The following PCYT1A variants were observed in gnomAD, a reference collection of about 807,000 sequenced individuals.
PCYT1A encodes the protein choline-phosphate cytidylyltransferase A.
In PCYT1A, 25 loss-of-function variants were observed where a neutral mutation model predicts 43.7. The observed-to-expected ratio is 0.57, with a 90% confidence interval of 0.42 to 0.80. The LOEUF is 0.80. Ranked by LOEUF, PCYT1A falls within the 30% of genes least tolerant of loss-of-function variation. PCYT1A has a pLI of 0.00. For synonymous variants in PCYT1A, 172 were observed against 170.7 expected (o/e 1.01, Z -0.06); for missense variants, 421 against 474.2 (o/e 0.89, Z 1.04).
chr3:196,284,538 G>A (rs777273288), intron 1 of PCYT1A, among the ~76,000 whole-genome samples: 1 of 152,210 alleles, frequency 6.6e-6, no homozygotes, highest in Non-Finnish European at 1.5e-5. Context: ...CACAGGGCGA[G>A]TAAATGTTAA....
In PCYT1A at chr3:196,235,241, G is replaced by A. The variant is rs1241149205; in HGVS notation, c.*3447C>T. 6.6e-6 allele frequency: 1 copy of A among 152,124 alleles called. No homozygotes were observed. The highest frequency in any genetic ancestry group is 1.9e-4 in the East Asian group (1 of 5,192). The allele number at this position is 152,124 out of a possible 1,614,324, so 9.4% of individuals were successfully genotyped here. A position where few individuals can be genotyped will look rare whatever the true frequency, so the allele number is the denominator to read the frequency against. Reference sequence around the variant, plus strand: ...ACATCTAGAGATGGTCTGACCAGCTGTGCAGCCTCCAAAAAAAAATCACTA... The same window carrying A: ...ACATCTAGAGATGGTCTGACCAGCTATGCAGCCTCCAAAAAAAAATCACTA... On this transcript the variant is annotated 3_prime_UTR_variant, in exon 9 of 9. Transcript: ENST00000431016. This position sits in a 1 kb window ranked among gnomAD's most constrained non-coding sequence, Gnocchi z 4.3.
chr3:196,266,664 C>T (rs1194474419), intron 2 of PCYT1A, among the ~76,000 whole-genome samples: 2 of 151,520 alleles, frequency 1.3e-5, no homozygotes, highest in Non-Finnish European at 2.9e-5. Context: ...TTGAGGTGGG[C>T]GGATCACTTG....
At chr3:196,257,192 A>T (rs535572124) in intron 3 of PCYT1A, among the ~76,000 whole-genome samples, 1 of 152,330 alleles carries the variant, frequency 6.6e-6, no homozygotes, top group East Asian at 1.9e-4. Flanking sequence ...ACATAAGAAA[A>T]GCATCTCGAA....
chr3:196,286,775 G>A (rs1005479943), intron 1 of PCYT1A, among the ~76,000 whole-genome samples: 3 of 152,148 alleles, frequency 2.0e-5, no homozygotes, highest in African/African-American at 7.2e-5. Flanking sequence ...TTAGCCGGGC[G>A]TGGTGGCGCA....
chr3:196,265,724 G>C (rs1239466673), intron 2 of PCYT1A, among the ~76,000 whole-genome samples: 2 of 151,782 alleles, frequency 1.3e-5, no homozygotes, highest in Non-Finnish European at 2.9e-5. Flanking sequence ...GGGCAACAGA[G>C]CAAGTCCCCC....
intron 2 of PCYT1A, among the ~76,000 whole-genome samples, chr3:196,261,788 T>A (rs1725117853): frequency 8.3e-6 from 1 of 119,826 alleles, no homozygotes; most frequent in Admixed American, 9.3e-5. Context: ...AAACTCCATC[T>A]CAAAAAAAAA....
chr3:196,284,063 A>G (rs529679899), intron 1 of PCYT1A, among the ~76,000 whole-genome samples: 2 of 152,328 alleles, frequency 1.3e-5, no homozygotes, highest in African/African-American at 4.8e-5. Flanking sequence ...CTTTGATGTA[A>G]GGGAGACCTA....
Position 196,234,896 on chromosome 3 carries a change from T to A in PCYT1A, c.*3792A>T, listed in dbSNP as rs534266866. ...GAGAAAACAAGAACAATCATTGTTA[T>A]GACTTTGAAAAATAGAACCTTTAAA... On this transcript the variant is annotated 3_prime_UTR_variant, in exon 9 of 9. Coordinates refer to ENST00000431016, the MANE Select transcript of PCYT1A (RefSeq NM_001312673.2). 4 of 152,364 alleles carry A rather than the reference T, an allele frequency of 2.6e-5. No homozygotes were observed. The South Asian group carries it at 8.3e-4, about 32-fold the overall frequency. 9.4% of individuals were successfully genotyped at this position (152,364 alleles called of 1,614,324 possible). A position where few individuals can be genotyped will look rare whatever the true frequency, so the allele number is the denominator to read the frequency against.
At chr3:196,283,873 GATA>G (rs752276762) in intron 1 of PCYT1A, among the ~76,000 whole-genome samples, 2 of 152,154 alleles carry the variant, frequency 1.3e-5, no homozygotes, top group African/African-American at 2.4e-5. Context: ...CTTGATGTGT[GATA>G]ATGTCAAAGA....
intron 1 of PCYT1A, among the ~76,000 whole-genome samples, chr3:196,270,760 C>G (rs893992669): frequency 6.6e-6 from 1 of 152,154 alleles, no homozygotes; most frequent in African/African-American, 2.4e-5. Flanking sequence ...CAACAATGGC[C>G]ACAGTGAATT....
chr3:196,238,981 C>T, intron 8 of PCYT1A, 87 bp from the exon 9 acceptor site: 1 of 753,238 alleles, frequency 1.3e-6, no homozygotes, highest in Non-Finnish European at 1.9e-6. Context: ...ATAGTCTATG[C>T]TGTACTATTT....
At chr3:196,267,395 G>A (rs1725306915) in intron 2 of PCYT1A, 1 of 453,888 alleles carries the variant, frequency 2.2e-6, no homozygotes, top group African/African-American at 2.0e-5. Flanking sequence ...GACTGCTAAT[G>A]AGTACAGGCC....
At chr3:196,266,569 A>G (rs1225116168) in intron 2 of PCYT1A, among the ~76,000 whole-genome samples, 1 of 151,938 alleles carries the variant, frequency 6.6e-6, no homozygotes, top group Non-Finnish European at 1.5e-5. Flanking sequence ...GTGATATATG[A>G]TGGAATGTTA....
At chr3:196,278,504 C>T (rs1347054313) in intron 1 of PCYT1A, among the ~76,000 whole-genome samples, 1 of 152,140 alleles carries the variant, frequency 6.6e-6, no homozygotes, top group Non-Finnish European at 1.5e-5. Context: ...AGAGCCAATA[C>T]AGTAGGAGGC....
chr3:196,242,958 A>G lies in PCYT1A; in HGVS notation c.487-318T>C. On this transcript the variant is annotated intron_variant, in intron 5 of 8. Transcript: ENST00000431016. The surrounding 1 kb of genome is among the most constrained non-coding windows in gnomAD (Gnocchi z 4.2). ...CAGAGGGTTTGCTGGTGAACCGGTT[A>G]GTGGGTGGAGCCTAGGAAAGAAGGA... is the stretch of plus-strand genomic sequence containing the variant. 1 of 325,424 alleles carries G rather than the reference A, an allele frequency of 3.1e-6. No homozygotes were observed. The allele number at this position is 325,424 out of a possible 1,614,324, so 20.2% of individuals were successfully genotyped here. A position where few individuals can be genotyped will look rare whatever the true frequency, so the allele number is the denominator to read the frequency against.
At chr3:196,260,910 CG>C (rs1725092041) in intron 2 of PCYT1A, among the ~76,000 whole-genome samples, 1 of 152,060 alleles carries the variant, frequency 6.6e-6, no homozygotes, top group African/African-American at 2.4e-5. Flanking sequence ...TTGCATTACT[CG>C]TAATAGCCAA....
chr3:196,236,503 AG>A lies in PCYT1A; in HGVS notation c.*2184del, dbSNP rs1303225231. On this transcript the variant is annotated 3_prime_UTR_variant, in exon 9 of 9. Coordinates refer to ENST00000431016, the MANE Select transcript of PCYT1A (RefSeq NM_001312673.2). ...CAAAGCTTGTATGACCAGATTTAAG[AG>A]TAAGAACTGCGCTTCAAAGAAGAGT... The A allele has an allele frequency of 6.6e-6, 1 of 151,618 alleles. No individual in the cohort carries two copies. Among genetic ancestry groups the A allele is most frequent in the East Asian group, 1.9e-4 (1 of 5,182 alleles). The allele number at this position is 151,618 out of a possible 1,614,324, so 9.4% of individuals were successfully genotyped here. A position where few individuals can be genotyped will look rare whatever the true frequency, so the allele number is the denominator to read the frequency against.
chr3:196,238,788 C>A lies in PCYT1A; in HGVS notation c.1004G>T (p.Arg335Leu). The A allele has an allele frequency of 6.3e-7, 1 of 1,586,182 alleles. No individual in the cohort carries two copies. The highest frequency in any genetic ancestry group is 8.6e-7 in the Non-Finnish European group (1 of 1,167,166). The change falls in exon 9 of 9, where the codon CGA (arginine) becomes CTA (leucine). Residue 335 changes from arginine (R) to leucine (L), a missense_variant. Coordinates refer to ENST00000431016, the MANE Select transcript of PCYT1A (RefSeq NM_001312673.2). ...TRERSPSPSFRWPFSGKTSPP... is the reference protein window; with the variant it reads ...TRERSPSPSFLWPFSGKTSPP... ...GGAAGTCTTGCCGGAGAAGGGCCAT[C>A]GGAAAGAGGGGGAGGGGGAGCGCTC...
In PCYT1A at chr3:196,247,584, C is replaced by A; in HGVS notation, c.335-66G>T. ...TGCTTAGCACCTCCTCAGCCACCGA[C>A]CTCTCCCATCTTCTCCCACTGCTTA... On this transcript the variant is annotated intron_variant, in intron 4 of 8. Transcript: ENST00000431016. The surrounding 1 kb of genome is among the most constrained non-coding windows in gnomAD (Gnocchi z 4.8). 6.9e-7 allele frequency: 1 copy of A among 1,452,682 alleles called. No individual in the cohort carries two copies. Among genetic ancestry groups the A allele is most frequent in the Non-Finnish European group, 9.7e-7 (1 of 1,034,212 alleles). The allele number at this position is 1,452,682 out of a possible 1,614,324, so 90.0% of individuals were successfully genotyped here. A position where few individuals can be genotyped will look rare whatever the true frequency, so the allele number is the denominator to read the frequency against.
Sources: gnomAD v4.1 joint callset for allele counts (sites outside exome capture counted in the v4.1 genomes callset) on GRCh38, gnomAD v4.1.1 for gene constraint, Gnocchi (gnomAD v3.1) non-coding constraint, MANE v1.5 for transcripts, NCBI Gene and HGNC (gene_info 2026-07-23, HGNC 2026-07-21) for gene names.